Variants in TTC7B observed in about 807,000 individuals in gnomAD.
TTC7B encodes tetratricopeptide repeat domain 7B, also known as tetratricopeptide repeat protein 7B.
In TTC7B, 28 loss-of-function variants were observed where a neutral mutation model predicts 106.8. The observed-to-expected ratio is 0.26, with a 90% confidence interval of 0.19 to 0.36. The LOEUF is 0.36. TTC7B is among the 10% of genes least tolerant of loss of function. TTC7B has a pLI of 1.00. For synonymous variants in TTC7B, 405 were observed against 430.6 expected, an observed-to-expected ratio of 0.94 and a Z score of 0.74; for missense variants, 862 against 1,076.4, an observed-to-expected ratio of 0.80 and a Z score of 2.79.
intron 3 of TTC7B, among the ~76,000 whole-genome samples, chr14:90,766,134 C>CA (rs1555397454): frequency 0.017 from 1,839 of 105,984 alleles, 52 homozygotes; most frequent in African/African-American, 0.077. Context: ...CAGCCTACAA[C>CA]GTTTTTTTTT....
chr14:90,673,039 A>G (rs951873686), intron 9 of TTC7B, among the ~76,000 whole-genome samples: 4 of 152,202 alleles, frequency 2.6e-5, no homozygotes, highest in Admixed American at 1.3e-4. Flanking sequence ...GCAGACCCAG[A>G]GCTCAAACCA....
intron 19 of TTC7B, among the ~76,000 whole-genome samples, chr14:90,556,791 G>C (rs1890327732): frequency 6.6e-6 from 1 of 152,180 alleles, no homozygotes; most frequent in Non-Finnish European, 1.5e-5. Flanking sequence ...AGGCATCAGG[G>C]ATACTCTGAG....
At chr14:90,707,302 T>C (rs1448522751) in intron 5 of TTC7B, among the ~76,000 whole-genome samples, 1 of 152,240 alleles carries the variant, frequency 6.6e-6, no homozygotes, top group African/African-American at 2.4e-5. Flanking sequence ...TGTGCCCCAC[T>C]GACCAGCCAT....
rs150125323 is a variant in TTC7B at position 90,729,925 on chromosome 14, C to G, written c.698+150G>C. ...CAGGTAGAGAAGAGACAAAAACAGC[C>G]AATGTTCATTCTTTAAAAGAAAAAA... is the stretch of plus-strand genomic sequence containing the variant. On this transcript the variant is annotated intron_variant, in intron 5 of 19. Coordinates refer to ENST00000328459, the MANE Select transcript of TTC7B (RefSeq NM_001010854.2). 21 of 814,212 alleles carry G rather than the reference C, an allele frequency of 2.6e-5. No homozygotes were observed. The East Asian group carries it at 4.2e-4, about 16-fold the overall frequency. The allele number at this position is 814,212 out of a possible 1,614,324, so 50.4% of individuals were successfully genotyped here. A position where few individuals can be genotyped will look rare whatever the true frequency, so the allele number is the denominator to read the frequency against.
intron 5 of TTC7B, among the ~76,000 whole-genome samples, chr14:90,707,040 G>A (rs1024181077): frequency 4.0e-4 from 61 of 152,218 alleles, no homozygotes; most frequent in Non-Finnish European, 2.1e-4. Context: ...TCTTAAATCT[G>A]CTTTTTCCTT....
At chr14:90,688,968 C>T (rs1374594830) in intron 7 of TTC7B, among the ~76,000 whole-genome samples, 1 of 152,112 alleles carries the variant, frequency 6.6e-6, no homozygotes, top group Non-Finnish European at 1.5e-5. Flanking sequence ...GGGGAAGGCT[C>T]ATGCTAAGTC....
intron 5 of TTC7B, among the ~76,000 whole-genome samples, chr14:90,701,908 G>A (rs1566844581): frequency 6.6e-6 from 1 of 151,824 alleles, no homozygotes; most frequent in Non-Finnish European, 1.5e-5. Flanking sequence ...CAGCAGACGT[G>A]AGTCCTCATG....
At chr14:90,755,156 T>C (rs750568703) in intron 3 of TTC7B, among the ~76,000 whole-genome samples, 26 of 152,374 alleles carry the variant, frequency 1.7e-4, no homozygotes, top group Non-Finnish European at 3.7e-4. Flanking sequence ...GTATGAAGAA[T>C]GCTGCTATGA....
chr14:90,635,386 A>G (rs1323044734), intron 15 of TTC7B, among the ~76,000 whole-genome samples: 1 of 152,200 alleles, frequency 6.6e-6, no homozygotes, highest in African/African-American at 2.4e-5. Context: ...GGTAGACACA[A>G]ATATAAATAT....
chr14:90,582,356 G>C (rs1891533839), intron 18 of TTC7B, among the ~76,000 whole-genome samples: 1 of 152,232 alleles, frequency 6.6e-6, no homozygotes, highest in African/African-American at 2.4e-5. Flanking sequence ...CCTTCTCTGG[G>C]CCTGTCCACC....
chr14:90,708,627 T>C (rs1489895122), intron 5 of TTC7B, among the ~76,000 whole-genome samples: 3 of 152,212 alleles, frequency 2.0e-5, no homozygotes, highest in Non-Finnish European at 1.5e-5. Context: ...ATTGACAATG[T>C]ACCTGGTCAC....
intron 19 of TTC7B, among the ~76,000 whole-genome samples, chr14:90,558,698 G>T (rs531414258): frequency 6.6e-6 from 1 of 152,228 alleles, no homozygotes; most frequent in East Asian, 1.9e-4. Context: ...CCCGGCCAGC[G>T]CTCCTCTGCC....
intron 9 of TTC7B, among the ~76,000 whole-genome samples, chr14:90,669,466 A>G (rs1595265060): frequency 6.6e-6 from 1 of 152,124 alleles, no homozygotes; most frequent in East Asian, 1.9e-4. Flanking sequence ...TAGGAAGCCA[A>G]GACGGGAGGA....
intron 3 of TTC7B, among the ~76,000 whole-genome samples, chr14:90,777,110 C>G (rs1262106095): frequency 1.3e-5 from 2 of 152,138 alleles, no homozygotes; most frequent in African/African-American, 4.8e-5. Flanking sequence ...TGTGATAGTG[C>G]ACACCTGTAA....
At chr14:90,548,244 C>T (rs922423101) in intron 19 of TTC7B, among the ~76,000 whole-genome samples, 12 of 152,208 alleles carry the variant, frequency 7.9e-5, no homozygotes, top group African/African-American at 2.7e-4. Flanking sequence ...TGCTGGGCCA[C>T]TCCAGGGCCA....
chr14:90,805,621 A>G lies in TTC7B; in HGVS notation c.121+10554T>C, dbSNP rs1410327001. 1.3e-5 allele frequency among the ~76,000 whole-genome samples: 2 copies of G among 152,136 alleles called. No homozygotes were observed. The highest frequency in any genetic ancestry group is 3.9e-4 in the East Asian group (2 of 5,190). ...CAGGGGTAAGGAGGGATTCAAGGGT[A>G]CCCAGAGCTGGCTTCGCTTTTCCCT... On this transcript the variant is annotated intron_variant, in intron 1 of 19. Coordinates refer to ENST00000328459, the MANE Select transcript of TTC7B (RefSeq NM_001010854.2). This position sits in a 1 kb window ranked among gnomAD's most constrained non-coding sequence, Gnocchi z 4.0.
intron 9 of TTC7B, among the ~76,000 whole-genome samples, chr14:90,660,417 A>AAAAAAAAG (rs1555386791): frequency 1.5e-4 from 18 of 119,488 alleles, no homozygotes; most frequent in African/African-American, 6.6e-4. Context: ...AAAAAAAAAA[A>AAAAAAAAG]AAAAGAAAAG....
rs555256075 is a variant in TTC7B, at chr14:90,600,283, G to T, written c.1967-6657C>A. ...TAGGGTAGTCCTGCTTTCTGAGGAG[G>T]CGACTCCAGGTGGTGGCTCCTTGCA... On this transcript the variant is annotated intron_variant, in intron 17 of 19. Coordinates refer to ENST00000328459, the MANE Select transcript of TTC7B (RefSeq NM_001010854.2). This position sits in a 1 kb window ranked among gnomAD's most constrained non-coding sequence, Gnocchi z 4.3. 2.0e-5 allele frequency among the ~76,000 whole-genome samples: 3 copies of T among 152,268 alleles called. No homozygotes were observed. In the South Asian group the frequency reaches 6.2e-4, roughly 32 times the overall value.
At chr14:90,618,957 G>A (rs555934247) in intron 15 of TTC7B, among the ~76,000 whole-genome samples, 1 of 152,216 alleles carries the variant, frequency 6.6e-6, no homozygotes, top group African/African-American at 2.4e-5. Context: ...AGGCTAGAGT[G>A]CAGTGGCACG....
Sources: allele counts gnomAD v4.1 joint callset (sites outside exome capture counted in the v4.1 genomes callset), GRCh38; gene constraint gnomAD v4.1.1; non-coding constraint Gnocchi (gnomAD v3.1); transcripts MANE v1.5; gene names NCBI Gene and HGNC (gene_info 2026-07-23, HGNC 2026-07-21).